BMPER: variants seen among roughly 807,000 people sequenced by gnomAD.
BMPER encodes BMP binding endothelial regulator, also known as BMP-binding endothelial regulator protein.
BMPER carries 45 observed loss-of-function variants against 87.3 expected under a neutral mutation model. The observed-to-expected ratio is 0.52, with a 90% CI of 0.41 to 0.66. The LOEUF is 0.66. Among genes scored for constraint, BMPER ranks in the 30% least tolerant of loss-of-function variants. The probability of loss-of-function intolerance (pLI) is 0.00; values close to 1 mark genes in which losing one functional copy is unlikely to be tolerated. For synonymous variants in BMPER, 326 were observed against 316.2 expected, an observed-to-expected ratio of 1.03 and a Z score of -0.33; for missense variants, 784 against 867.5, an observed-to-expected ratio of 0.90 and a Z score of 1.21.
chr7:33,915,579 A>T (rs1356594279), intron 2 of BMPER, among the ~76,000 whole-genome samples: 1 of 152,070 alleles, frequency 6.6e-6, no homozygotes, highest in Non-Finnish European at 1.5e-5. Flanking sequence ...TGCACCACTG[A>T]GCAGACACCT....
At chr7:34,020,714 G>A (rs114525376) in intron 6 of BMPER, among the ~76,000 whole-genome samples, 2,922 of 152,048 alleles carry the variant, frequency 0.019, 106 homozygotes, top group African/African-American at 0.066. Context: ...ATCCAGGATT[G>A]TTTCCTTAGG....
intron 6 of BMPER, among the ~76,000 whole-genome samples, chr7:33,999,630 T>C (rs1247196809): frequency 1.3e-5 from 2 of 152,230 alleles, no homozygotes; most frequent in Non-Finnish European, 2.9e-5. Flanking sequence ...GGACCTTCAG[T>C]CCACAGCTGA....
chr7:34,038,536 A>T lies in BMPER; in HGVS notation c.577-7770A>T, dbSNP rs544113445. ...CCATTTGTAACTTATCATAGCAGCA[A>T]TAGAAAACTTAATAAAATAATATAA... On this transcript the variant is annotated intron_variant, in intron 6 of 14. Transcript: ENST00000649409. 2.0e-5 allele frequency among the ~76,000 whole-genome samples: 3 copies of T among 152,322 alleles called. No homozygotes were observed. The East Asian group carries it at 5.8e-4, about 29-fold the overall frequency.
intron 6 of BMPER, among the ~76,000 whole-genome samples, chr7:33,988,302 C>A (rs1178530984): frequency 6.6e-6 from 1 of 152,088 alleles, no homozygotes; most frequent in Non-Finnish European, 1.5e-5. Flanking sequence ...AGTTCAACAA[C>A]AGGAGAGGGA....
At chr7:34,097,214 G>A (rs937013098) in intron 13 of BMPER, among the ~76,000 whole-genome samples, 1 of 152,176 alleles carries the variant, frequency 6.6e-6, no homozygotes, top group Admixed American at 6.5e-5. Context: ...AGAGAACAAA[G>A]GAAAATATTC....
At chr7:34,079,592 G>A (rs1585810181) in intron 12 of BMPER, among the ~76,000 whole-genome samples, 1 of 152,312 alleles carries the variant, frequency 6.6e-6, no homozygotes, top group Admixed American at 6.5e-5. Context: ...GCTATGTGCA[G>A]TTTCACATCT....
intron 11 of BMPER, among the ~76,000 whole-genome samples, chr7:34,067,915 A>T (rs780239078): frequency 2.0e-5 from 3 of 152,230 alleles, no homozygotes; most frequent in Non-Finnish European, 2.9e-5. Flanking sequence ...GACTGAAGTT[A>T]TTAGGAATCA....
At chr7:34,004,525 G>C (rs2127937256) in intron 6 of BMPER, among the ~76,000 whole-genome samples, 1 of 152,172 alleles carries the variant, frequency 6.6e-6, no homozygotes, top group Non-Finnish European at 1.5e-5. Flanking sequence ...AATATAGCAA[G>C]TCTGAAAAAT....
At chr7:34,134,463 C>T (rs895193006) in intron 13 of BMPER, among the ~76,000 whole-genome samples, 10 of 152,066 alleles carry the variant, frequency 6.6e-5, no homozygotes, top group African/African-American at 2.4e-4. Flanking sequence ...TAGGATGGGG[C>T]CCAAAGTGAA....
rs553124253 is a variant in BMPER at position 34,135,100 on chromosome 7, G to C, written c.1746-8130G>C. ...AATAAATATTTTTAGTAATTGGAGA[G>C]CGTCTAAATTAGGTAAAAAGTGTTG... is the stretch of plus-strand genomic sequence containing the variant. On this transcript the variant is annotated intron_variant, in intron 13 of 14. Transcript: ENST00000649409. 6.6e-5 allele frequency among the ~76,000 whole-genome samples: 10 copies of C among 152,292 alleles called. No individual in the cohort carries two copies. The South Asian group carries it at 2.1e-3, about 32-fold the overall frequency.
chr7:34,084,665 A>G (rs1789150639), intron 12 of BMPER, among the ~76,000 whole-genome samples: 1 of 152,214 alleles, frequency 6.6e-6, no homozygotes, highest in Non-Finnish European at 1.5e-5. Context: ...CCTTTCTTTT[A>G]TGGGTGGTAT....
chr7:34,023,837 A>G (rs1787264348), intron 6 of BMPER, among the ~76,000 whole-genome samples: 2 of 152,056 alleles, frequency 1.3e-5, no homozygotes, highest in South Asian at 2.1e-4. Flanking sequence ...CATTTTATTA[A>G]GAGGGAAGTT....
chr7:34,091,467 T>C (rs537130705), intron 13 of BMPER, among the ~76,000 whole-genome samples: 8 of 152,232 alleles, frequency 5.3e-5, no homozygotes, highest in Admixed American at 6.5e-5. Context: ...CTTAGCCGAC[T>C]CAACTGTTAG....
chr7:34,035,239 T>TA (rs1318423930), intron 6 of BMPER, among the ~76,000 whole-genome samples: 1 of 152,178 alleles, frequency 6.6e-6, no homozygotes, highest in Non-Finnish European at 1.5e-5. Context: ...ACATTGTACT[T>TA]ACAACATTTT....
intron 13 of BMPER, among the ~76,000 whole-genome samples, chr7:34,129,577 G>A (rs867694825): frequency 2.3e-4 from 11 of 47,760 alleles, no homozygotes; most frequent in African/African-American, 3.8e-4. Flanking sequence ...AAGGAAGGAA[G>A]GAGAGAGAGA....
chr7:34,069,320 G>A (rs1788679204), intron 11 of BMPER, among the ~76,000 whole-genome samples: 1 of 152,158 alleles, frequency 6.6e-6, no homozygotes, highest in East Asian at 1.9e-4. Flanking sequence ...GCAGAGCTGA[G>A]GCAGATTTAT....
chr7:34,085,676 C>A, intron 12 of BMPER, 80 bp from the exon 13 acceptor site: 1 of 1,311,314 alleles, frequency 7.6e-7, no homozygotes, highest in Middle Eastern at 1.8e-4. Context: ...GTCATATGTT[C>A]TGTGTAAGGA....
At chr7:33,945,705 C>T (rs1474551362) in intron 3 of BMPER, among the ~76,000 whole-genome samples, 3 of 152,128 alleles carry the variant, frequency 2.0e-5, no homozygotes, top group East Asian at 1.9e-4. Flanking sequence ...CTGTTATCTT[C>T]ATGGAAGTAC....
At chr7:34,061,198 G>A (rs1788427893) in intron 10 of BMPER, among the ~76,000 whole-genome samples, 1 of 152,128 alleles carries the variant, frequency 6.6e-6, no homozygotes, top group South Asian at 2.1e-4. Flanking sequence ...TATAGCAAGT[G>A]CTCCCTAAAT....
Sources: gnomAD v4.1 joint callset for allele counts (sites outside exome capture counted in the v4.1 genomes callset) on GRCh38, gnomAD v4.1.1 for gene constraint, MANE v1.5 for transcripts, NCBI Gene and HGNC (gene_info 2026-07-23, HGNC 2026-07-21) for gene names.